ADGRL2: variants seen among roughly 807,000 people sequenced by gnomAD.
ADGRL2 encodes the protein adhesion G protein-coupled receptor L2.
A neutral mutation model predicts 157.4 loss-of-function variants in ADGRL2; 44 were observed. The observed-to-expected ratio is 0.28, with a 90% CI of 0.22 to 0.36. ADGRL2 has a LOEUF of 0.36. ADGRL2 is among the 10% of genes least tolerant of loss of function. The pLI is 1.00. For missense variants in ADGRL2, 1,510 were observed against 1,768.9 expected (o/e 0.85, Z 2.63); for synonymous variants, 585 against 624.7 (o/e 0.94, Z 0.95).
chr1:81,489,391 C>G (rs1242691568), intron 2 of ADGRL2, among the ~76,000 whole-genome samples: 1 of 151,948 alleles, frequency 6.6e-6, no homozygotes, highest in Non-Finnish European at 1.5e-5. Context: ...AACTTGAAGA[C>G]AGGACAATGG....
intron 3 of ADGRL2, among the ~76,000 whole-genome samples, chr1:81,607,112 C>T (rs926510428): frequency 6.6e-6 from 1 of 152,070 alleles, no homozygotes; most frequent in Non-Finnish European, 1.5e-5. Context: ...TTATAATACC[C>T]TGGACTCAAT....
rs200860680 is a variant in ADGRL2, at chr1:81,521,967, G to GTT, written c.-247-58895_-247-58894dup. Among the ~76,000 whole-genome samples the GTT allele has an allele frequency of 4.1e-3, 568 of 139,392 alleles. 6 individuals carry two copies. Among genetic ancestry groups the GTT allele is most frequent in the African/African-American group, 0.013 (481 of 38,388 alleles). The allele number at this position is 139,392 out of a possible 152,430, so 91.4% of individuals were successfully genotyped here. On this transcript the variant is annotated intron_variant, in intron 2 of 24. Coordinates refer to the ADGRL2 transcript ENST00000370721. ...TACTTGTATAATAAATGTACTTTTT[G>GTT]TTTTTTTTTTTTTTTGAGAAAGAGA...
intron 1 of ADGRL2, among the ~76,000 whole-genome samples, chr1:81,720,488 A>T (rs2084272410): frequency 6.6e-6 from 1 of 151,958 alleles, no homozygotes; most frequent in South Asian, 2.1e-4. Context: ...TTCTTTATTT[A>T]ATGTTAACAA....
At chr1:81,812,071 C>A (rs1044935201) in intron 1 of ADGRL2, among the ~76,000 whole-genome samples, 1 of 151,578 alleles carries the variant, frequency 6.6e-6, no homozygotes, top group Non-Finnish European at 1.5e-5. Context: ...TTTTCAAGAG[C>A]AATTATTTTA....
At chr1:81,415,687 G>T (rs2077020344) in intron 1 of ADGRL2, among the ~76,000 whole-genome samples, 1 of 152,182 alleles carries the variant, frequency 6.6e-6, no homozygotes, top group Non-Finnish European at 1.5e-5. Flanking sequence ...TGACTTCAGT[G>T]GGTGACCATC....
chr1:81,310,044 C>A (rs946359359), intron 1 of ADGRL2, among the ~76,000 whole-genome samples: 1 of 152,154 alleles, frequency 6.6e-6, no homozygotes, highest in Non-Finnish European at 1.5e-5. Flanking sequence ...AGTAGTGGCT[C>A]TTTTCCTTAC....
Position 81,319,486 on chromosome 1 carries a change from C to T in ADGRL2, c.-302+12977C>T, listed in dbSNP as rs552225106. On this transcript the variant is annotated intron_variant, in intron 1 of 24. Coordinates refer to the ADGRL2 transcript ENST00000370721. ...GATTTCTCATCAAACTAAGAGAATT[C>T]CCTACCTTTCTCTCCCAGTGATCCC... is the stretch of plus-strand genomic sequence containing the variant. Among the ~76,000 whole-genome samples, 11 of 152,104 alleles carry T rather than the reference C, an allele frequency of 7.2e-5. No individual in the cohort carries two copies. In the South Asian group the frequency reaches 2.3e-3, roughly 32 times the overall value.
At chr1:81,646,549 G>A (rs977486436) in intron 3 of ADGRL2, among the ~76,000 whole-genome samples, 12 of 152,154 alleles carry the variant, frequency 7.9e-5, no homozygotes, top group African/African-American at 2.9e-4. Flanking sequence ...GCTGTGGAGG[G>A]AAAATGAGAT....
chr1:81,854,885 G>C (rs1461293793), intron 2 of ADGRL2, among the ~76,000 whole-genome samples: 7 of 151,844 alleles, frequency 4.6e-5, no homozygotes, highest in Admixed American at 4.6e-4. Flanking sequence ...ACAAAAGATA[G>C]CTCTGGATGA....
intron 2 of ADGRL2, among the ~76,000 whole-genome samples, chr1:81,466,399 G>T (rs2078053966): frequency 6.6e-6 from 1 of 152,148 alleles, no homozygotes; most frequent in Admixed American, 6.6e-5. Context: ...TGGCATTACA[G>T]CAGGGACAGT....
At chr1:81,632,164 C>CCCTA (rs1395936193) in intron 3 of ADGRL2, among the ~76,000 whole-genome samples, 1 of 151,948 alleles carries the variant, frequency 6.6e-6, no homozygotes, top group African/African-American at 2.4e-5. Context: ...AAAGTAAAGC[C>CCCTA]CCTAGCCTAT....
intron 1 of ADGRL2, among the ~76,000 whole-genome samples, chr1:81,761,632 T>C (rs1218052535): frequency 6.6e-6 from 1 of 152,052 alleles, no homozygotes; most frequent in Admixed American, 6.5e-5. Context: ...AAGTGCTTAA[T>C]CTTATGGTAG....
At chr1:81,439,776 G>A (rs1449524198) in intron 1 of ADGRL2, among the ~76,000 whole-genome samples, 1 of 152,232 alleles carries the variant, frequency 6.6e-6, no homozygotes, top group African/African-American at 2.4e-5. Flanking sequence ...TGTGTGAGGT[G>A]GCTGCCCTCC....
intron 3 of ADGRL2, among the ~76,000 whole-genome samples, chr1:81,640,285 C>T (rs1285304944): frequency 6.6e-6 from 1 of 152,020 alleles, no homozygotes; most frequent in East Asian, 1.9e-4. Flanking sequence ...TGGTCATGCT[C>T]TCACTGAGGT....
intron 3 of ADGRL2, among the ~76,000 whole-genome samples, chr1:81,692,447 G>A (rs931963303): frequency 1.3e-5 from 2 of 152,164 alleles, no homozygotes; most frequent in Non-Finnish European, 2.9e-5. Context: ...TGACCCCGCA[G>A]TGTTAAGCCA....
intron 3 of ADGRL2, among the ~76,000 whole-genome samples, chr1:81,611,121 T>C (rs182927392): frequency 1.3e-5 from 2 of 152,362 alleles, no homozygotes; most frequent in East Asian, 3.9e-4. Flanking sequence ...TCAGCAGTTC[T>C]GCAATTGATA....
intron 3 of ADGRL2, among the ~76,000 whole-genome samples, chr1:81,592,182 T>A (rs559243944): frequency 1.3e-4 from 20 of 152,260 alleles, no homozygotes; most frequent in Admixed American, 1.2e-3. Flanking sequence ...TACTACATCC[T>A]CTTCTACCTA....
intron 1 of ADGRL2, among the ~76,000 whole-genome samples, chr1:81,395,871 T>A (rs1001808234): frequency 6.6e-6 from 1 of 152,236 alleles, no homozygotes; most frequent in Non-Finnish European, 1.5e-5. Flanking sequence ...AATTTATTTC[T>A]AGGTTCTCTA....
chr1:81,908,227 T>C (rs1455871142), intron 3 of ADGRL2, among the ~76,000 whole-genome samples: 1 of 152,186 alleles, frequency 6.6e-6, no homozygotes, highest in African/African-American at 2.4e-5. Context: ...AATGATAAAA[T>C]AGGCTGACAA....
Sources: allele counts gnomAD v4.1 joint callset (sites outside exome capture counted in the v4.1 genomes callset), GRCh38; gene constraint gnomAD v4.1.1; transcripts MANE v1.5; gene names NCBI Gene and HGNC (gene_info 2026-07-23, HGNC 2026-07-21).